CDH13: variants seen among roughly 807,000 people sequenced by gnomAD.
CDH13 encodes the protein cadherin 13.
A neutral mutation model predicts 63.8 loss-of-function variants in CDH13; 24 were observed. That is an observed-to-expected ratio of 0.38 (90% CI 0.27 to 0.53). CDH13 has a LOEUF of 0.53. CDH13 is among the 20% of genes least tolerant of loss of function. The probability of loss-of-function intolerance (pLI) is 0.85; values close to 1 mark genes in which losing one functional copy is unlikely to be tolerated. For missense variants in CDH13, 1,049 were observed against 903.1 expected, an observed-to-expected ratio of 1.16 and a Z score of -2.07; for synonymous variants, 503 against 355.3, an observed-to-expected ratio of 1.42 and a Z score of -4.67.
At chr16:82,781,501 C>T (rs1014926832) in intron 1 of CDH13, among the ~76,000 whole-genome samples, 1 of 152,136 alleles carries the variant, frequency 6.6e-6, no homozygotes, top group African/African-American at 2.4e-5. Flanking sequence ...ATCTACCCAT[C>T]TGTCCACCCA....
chr16:83,355,135 G>T (rs1057187030), intron 6 of CDH13, among the ~76,000 whole-genome samples: 2 of 152,182 alleles, frequency 1.3e-5, no homozygotes, highest in African/African-American at 4.8e-5. Context: ...GTGCTATTCT[G>T]TGGAGAGAGA....
chr16:83,602,517 G>A lies in CDH13; in HGVS notation c.1024G>A (p.Gly342Arg). 1.2e-6 allele frequency: 2 copies of A among 1,613,904 alleles called. No individual in the cohort carries two copies. The highest frequency in any genetic ancestry group is 1.7e-6 in the Non-Finnish European group (2 of 1,179,822). Reference protein sequence around the residue: ...EAQDMAGLDVGLTGTATATIM... With the variant: ...EAQDMAGLDVRLTGTATATIM... Reference sequence around the variant, plus strand: ...TCAAGATATGGCTGGACTGGATGTTGGATTAACAGGCACGGCCACAGCCAC... The same window carrying A: ...TCAAGATATGGCTGGACTGGATGTTAGATTAACAGGCACGGCCACAGCCAC... The change falls in exon 8 of 14, where the codon GGA becomes AGA. Residue 342 changes from glycine (G) to arginine (R), a missense_variant. Transcript: ENST00000567109.
chr16:83,485,706 G>A (rs1042341222), intron 6 of CDH13, among the ~76,000 whole-genome samples: 1 of 152,060 alleles, frequency 6.6e-6, no homozygotes, highest in African/African-American at 2.4e-5. Flanking sequence ...CCCTCTCTCA[G>A]TGTGCCTGAT....
At chr16:82,969,950 T>A (rs114675587) in intron 2 of CDH13, among the ~76,000 whole-genome samples, 2,081 of 151,992 alleles carry the variant, frequency 0.014, 45 homozygotes, top group African/African-American at 0.04. Flanking sequence ...TTTTTTTTTT[T>A]ATTATACTTT....
At chr16:83,025,152 T>C (rs1915681958) in intron 2 of CDH13, among the ~76,000 whole-genome samples, 1 of 152,242 alleles carries the variant, frequency 6.6e-6, no homozygotes, top group African/African-American at 2.4e-5. Flanking sequence ...CAACAAGCTC[T>C]GTCCTAAGTG....
intron 1 of CDH13, among the ~76,000 whole-genome samples, chr16:82,806,519 A>G (rs2037154340): frequency 6.6e-6 from 1 of 152,138 alleles, no homozygotes; most frequent in African/African-American, 2.4e-5. Flanking sequence ...TTGTTTTTGT[A>G]ACATTATCTC....
At chr16:83,499,619 C>A (rs537133762) in intron 7 of CDH13, among the ~76,000 whole-genome samples, 1 of 152,194 alleles carries the variant, frequency 6.6e-6, no homozygotes, top group African/African-American at 2.4e-5. Flanking sequence ...AAAACTATGC[C>A]TTGGTTTCTT....
At chr16:83,584,350 G>A (rs540389504) in intron 7 of CDH13, among the ~76,000 whole-genome samples, 3 of 152,228 alleles carry the variant, frequency 2.0e-5, no homozygotes, top group Admixed American at 6.5e-5. Flanking sequence ...AAAAATGCAT[G>A]GTTTTTGCTT....
chr16:82,778,370 A>T (rs2035593158), intron 1 of CDH13, among the ~76,000 whole-genome samples: 1 of 152,016 alleles, frequency 6.6e-6, no homozygotes, highest in South Asian at 2.1e-4. Context: ...TTGACTCATG[A>T]TGTTGAATCT....
chr16:83,670,687 A>G (rs963265634), intron 8 of CDH13, 103 bp from the exon 9 acceptor site: 8 of 1,002,742 alleles, frequency 8.0e-6, no homozygotes, highest in Non-Finnish European at 1.1e-5. Flanking sequence ...GTTATTATTT[A>G]TTTTTAAGTG....
rs573049686 is a variant in CDH13 at position 83,487,784 on chromosome 16, C to G, written c.960+1129C>G. 1.3e-3 allele frequency among the ~76,000 whole-genome samples: 204 copies of G among 152,294 alleles called. 5 individuals carry two copies. The South Asian group carries it at 0.039, about 29-fold the overall frequency. ...TCCCTCGGGGGCTCTGTGCATTTCC[C>G]CCTCAGTGTTTTTGATGAAATAAAT... On this transcript the variant is annotated intron_variant, in intron 7 of 13. Coordinates refer to ENST00000567109, the MANE Select transcript of CDH13 (RefSeq NM_001257.5).
intron 6 of CDH13, among the ~76,000 whole-genome samples, chr16:83,407,886 T>A (rs1187465124): frequency 6.6e-6 from 1 of 152,220 alleles, no homozygotes. Flanking sequence ...TGAGTATGCA[T>A]GGCATTTTAA....
At chr16:83,782,812 T>G (rs1342908776) in intron 12 of CDH13, among the ~76,000 whole-genome samples, 2 of 151,932 alleles carry the variant, frequency 1.3e-5, no homozygotes, top group African/African-American at 4.8e-5. Context: ...ATTAGGGTCC[T>G]GCCCACATTG....
At chr16:82,893,066 A>G (rs775826250) in intron 2 of CDH13, among the ~76,000 whole-genome samples, 9 of 152,246 alleles carry the variant, frequency 5.9e-5, no homozygotes, top group Non-Finnish European at 1.0e-4. Flanking sequence ...TCAGACATCA[A>G]AGTCCCTGTA....
chr16:83,228,495 T>A (rs986289870), intron 5 of CDH13, among the ~76,000 whole-genome samples: 1 of 152,202 alleles, frequency 6.6e-6, no homozygotes, highest in South Asian at 2.1e-4. Flanking sequence ...GCTGGGGCAA[T>A]GATTTGCAAC....
At chr16:83,489,695 C>T (rs1215108339) in intron 7 of CDH13, among the ~76,000 whole-genome samples, 1 of 152,168 alleles carries the variant, frequency 6.6e-6, no homozygotes, top group African/African-American at 2.4e-5. Flanking sequence ...ATACTTTCTT[C>T]AGCAGGTTTG....
intron 1 of CDH13, among the ~76,000 whole-genome samples, chr16:82,806,081 A>G (rs2037123740): frequency 6.6e-6 from 1 of 152,016 alleles, no homozygotes. Flanking sequence ...TCTGGTCTTC[A>G]TTTGTTTCCT....
At chr16:82,803,557 G>T (rs1286547437) in intron 1 of CDH13, among the ~76,000 whole-genome samples, 1 of 152,162 alleles carries the variant, frequency 6.6e-6, no homozygotes, top group African/African-American at 2.4e-5. Flanking sequence ...TCCTGTAGTC[G>T]CTCTAAGTCG....
At chr16:83,311,766 C>T (rs970924184) in intron 5 of CDH13, among the ~76,000 whole-genome samples, 9 of 152,182 alleles carry the variant, frequency 5.9e-5, no homozygotes, top group Admixed American at 3.9e-4. Context: ...ACAAATTCTA[C>T]GCATCTTCCT....
Sources: gnomAD v4.1 joint callset for allele counts (sites outside exome capture counted in the v4.1 genomes callset) on GRCh38, gnomAD v4.1.1 for gene constraint, MANE v1.5 for transcripts, NCBI Gene and HGNC (gene_info 2026-07-23, HGNC 2026-07-21) for gene names.